The following CPNE8 variants were observed in gnomAD, a reference collection of about 807,000 sequenced individuals.
CPNE8 encodes the protein copine 8.
CPNE8 carries 45 observed loss-of-function variants against 81.5 expected under a neutral mutation model. The ratio of observed to expected loss-of-function variants is 0.55; its 90% CI spans 0.44 to 0.71. CPNE8 has a LOEUF of 0.71. CPNE8 is among the 30% of genes least tolerant of loss of function. CPNE8 has a pLI of 0.00. For synonymous variants in CPNE8, 252 were observed against 226.3 expected, an observed-to-expected ratio of 1.11 and a Z score of -1.02; for missense variants, 594 against 672.1, an observed-to-expected ratio of 0.88 and a Z score of 1.28.
intron 6 of CPNE8, among the ~76,000 whole-genome samples, chr12:38,789,067 A>G (rs1272114712): frequency 6.6e-6 from 1 of 151,912 alleles, no homozygotes; most frequent in Non-Finnish European, 1.5e-5. Flanking sequence ...TTATCAAAAT[A>G]CCAATGGATT....
chr12:38,710,268 C>CAAAAAAAAAAAAAAAAAAAAA (rs57376063), intron 13 of CPNE8, among the ~76,000 whole-genome samples: 7 of 50,290 alleles, frequency 1.4e-4, no homozygotes, highest in East Asian at 1.3e-3. Flanking sequence ...AATAAGCTAA[C>CAAAAAAAAAAAAAAAAAAAAA]AAAAAAAAAA....
At chr12:38,858,047 T>C (rs1284888864) in intron 3 of CPNE8, among the ~76,000 whole-genome samples, 1 of 152,236 alleles carries the variant, frequency 6.6e-6, no homozygotes, top group African/African-American at 2.4e-5. Flanking sequence ...TTGAAAACTC[T>C]GGTCAGCTTT....
At chr12:38,761,964 A>T in intron 9 of CPNE8, 148 bp downstream of exon 9, 1 of 454,316 alleles carries the variant, frequency 2.2e-6, no homozygotes. Context: ...TAAAGCAAAT[A>T]TGCAACGTAT....
At chr12:38,688,942 C>T (rs1242417428) in intron 15 of CPNE8, among the ~76,000 whole-genome samples, 2 of 151,988 alleles carry the variant, frequency 1.3e-5, no homozygotes, top group East Asian at 1.9e-4. Context: ...CACCTGTTCC[C>T]CCAAAACTAG....
At chr12:38,851,539 C>T (rs1046049704) in intron 3 of CPNE8, among the ~76,000 whole-genome samples, 3 of 152,136 alleles carry the variant, frequency 2.0e-5, no homozygotes, top group Admixed American at 1.3e-4. Flanking sequence ...GTTATAACTC[C>T]AAAACATGCC....
chr12:38,757,896 T>C (rs1307432865), intron 10 of CPNE8, among the ~76,000 whole-genome samples: 1 of 152,158 alleles, frequency 6.6e-6, no homozygotes, highest in South Asian at 2.1e-4. Flanking sequence ...AGTCTTTAAC[T>C]CCCTAGACTT....
intron 4 of CPNE8, among the ~76,000 whole-genome samples, chr12:38,843,812 C>G (rs1409591223): frequency 6.6e-6 from 1 of 152,098 alleles, no homozygotes; most frequent in Non-Finnish European, 1.5e-5. Context: ...CACCGCCTAC[C>G]TTTTTGCATT....
chr12:38,657,906 A>G (rs148883756), intron 19 of CPNE8, among the ~76,000 whole-genome samples: 95 of 152,328 alleles, frequency 6.2e-4, no homozygotes, highest in African/African-American at 2.1e-3. Context: ...ACCAACATCA[A>G]AGACCAAAGG....
At chr12:38,795,623 G>C (rs1942442026) in intron 6 of CPNE8, among the ~76,000 whole-genome samples, 1 of 152,158 alleles carries the variant, frequency 6.6e-6, no homozygotes, top group South Asian at 2.1e-4. Context: ...GCCAGTCACA[G>C]AAGATACTGT....
At chr12:38,661,025 T>C (rs1371223935) in intron 19 of CPNE8, among the ~76,000 whole-genome samples, 1 of 152,148 alleles carries the variant, frequency 6.6e-6, no homozygotes, top group Non-Finnish European at 1.5e-5. Flanking sequence ...GTAAATTAGT[T>C]CAACTATTGT....
chr12:38,765,696 G>A (rs1941673376), intron 8 of CPNE8, among the ~76,000 whole-genome samples: 1 of 152,194 alleles, frequency 6.6e-6, no homozygotes, highest in Non-Finnish European at 1.5e-5. Context: ...AAAATATCTG[G>A]ATCGAGCTGG....
intron 12 of CPNE8, among the ~76,000 whole-genome samples, chr12:38,724,624 G>A (rs1235176006): frequency 6.6e-6 from 1 of 151,988 alleles, no homozygotes; most frequent in Admixed American, 6.6e-5. Context: ...CAGCCCCTAG[G>A]ATAATCTACA....
At chr12:38,722,126 C>G (rs921638964) in intron 13 of CPNE8, among the ~76,000 whole-genome samples, 1 of 152,098 alleles carries the variant, frequency 6.6e-6, no homozygotes, top group East Asian at 1.9e-4. Context: ...AAAGCGGCAC[C>G]CCAAAGATCC....
intron 14 of CPNE8, among the ~76,000 whole-genome samples, chr12:38,698,195 T>C (rs1021282362): frequency 4.6e-5 from 7 of 152,242 alleles, no homozygotes; most frequent in South Asian, 4.1e-4. Context: ...TATAGGCCAC[T>C]TGTATATCCT....
At chr12:38,881,399 T>A (rs1191099230) in intron 1 of CPNE8, among the ~76,000 whole-genome samples, 2 of 152,108 alleles carry the variant, frequency 1.3e-5, no homozygotes, top group African/African-American at 2.4e-5. Context: ...GACTAAAAAA[T>A]TCAGTTCAAC....
At chr12:38,871,181 A>C (rs1162849947) in intron 3 of CPNE8, among the ~76,000 whole-genome samples, 2 of 152,198 alleles carry the variant, frequency 1.3e-5, no homozygotes, top group African/African-American at 4.8e-5. Context: ...GCACCCACTT[A>C]AGAATTAACT....
intron 6 of CPNE8, among the ~76,000 whole-genome samples, chr12:38,798,657 G>A (rs944824376): frequency 2.1e-4 from 32 of 150,630 alleles, no homozygotes; most frequent in Non-Finnish European, 4.0e-4. Flanking sequence ...GCAAAATAAC[G>A]AGCTAACATC....
intron 13 of CPNE8, among the ~76,000 whole-genome samples, chr12:38,706,147 T>G (rs1031134936): frequency 6.6e-6 from 1 of 152,104 alleles, no homozygotes; most frequent in Non-Finnish European, 1.5e-5. Context: ...AGTTAAATAT[T>G]TGCAAACTTT....
At chr12:38,723,920 T>C in intron 12 of CPNE8, 87 bp from the exon 13 acceptor site, 1 of 782,868 alleles carries the variant, frequency 1.3e-6, no homozygotes, top group Non-Finnish European at 2.2e-6. Context: ...ATCATATTTC[T>C]TTGCATTTTG....
Sources: gnomAD v4.1 joint callset for allele counts (sites outside exome capture counted in the v4.1 genomes callset) on GRCh38, gnomAD v4.1.1 for gene constraint, MANE v1.5 for transcripts, NCBI Gene and HGNC (gene_info 2026-07-23, HGNC 2026-07-21) for gene names.